ERC1: variants seen among roughly 807,000 people sequenced by gnomAD.
The protein encoded by ERC1 is RAB6 interacting protein 2.
Under a neutral mutation model 132.0 loss-of-function variants are expected in ERC1, and 56 were observed. The ratio of observed to expected loss-of-function variants is 0.42; its 90% CI spans 0.34 to 0.53. ERC1 has a LOEUF of 0.53. ERC1 is among the 20% of genes least tolerant of loss of function. ERC1 has a pLI of 0.03. For missense variants in ERC1, 1,202 were observed against 1,349.9 expected (o/e 0.89, Z 1.72); for synonymous variants, 478 against 476.1 (o/e 1.00, Z -0.05).
intron 17 of ERC1, among the ~76,000 whole-genome samples, chr12:1,411,799 A>C (rs912875664): frequency 1.3e-5 from 2 of 152,172 alleles, no homozygotes; most frequent in Admixed American, 6.5e-5. Context: ...ATATGTGGAC[A>C]TGATTATATT....
intron 12 of ERC1, among the ~76,000 whole-genome samples, chr12:1,234,728 C>T (rs1372784215): frequency 6.6e-6 from 1 of 152,172 alleles, no homozygotes; most frequent in Non-Finnish European, 1.5e-5. Context: ...TGGTATAGAT[C>T]TGGCACAGAA....
chr12:1,100,627 A>C (rs1391785041), intron 3 of ERC1, among the ~76,000 whole-genome samples: 1 of 152,130 alleles, frequency 6.6e-6, no homozygotes, highest in Non-Finnish European at 1.5e-5. Flanking sequence ...TGTAAGAAAA[A>C]AAGAGACTCC....
rs948584089 is a variant in ERC1 at position 1,491,047 on chromosome 12, A to G, written c.*817A>G. The G allele has an allele frequency of 3.9e-5, 9 of 232,852 alleles. No individual in the cohort carries two copies. In the Admixed American group the frequency reaches 3.9e-4, roughly 10 times the overall value. The allele number at this position is 232,852 out of a possible 1,614,324, so 14.4% of individuals were successfully genotyped here. On this transcript the variant is annotated 3_prime_UTR_variant, in exon 19 of 19. Transcript: ENST00000360905. The stretch of plus-strand genomic sequence containing the variant: ...GAACATGTGAGGTTGAAAGAGCACC[A>G]GCCAGGGCAACATAGCGTGACCCTG...
At chr12:1,189,552 A>G (rs56038085) in intron 11 of ERC1, among the ~76,000 whole-genome samples, 11,098 of 152,264 alleles carry the variant, frequency 0.073, 556 homozygotes, top group Admixed American at 0.15. Flanking sequence ...CAACAGTTCA[A>G]TGACTGTTAG....
chr12:1,282,569 T>C (rs888236196), intron 14 of ERC1, among the ~76,000 whole-genome samples: 20 of 152,204 alleles, frequency 1.3e-4, no homozygotes, highest in African/African-American at 3.4e-4. Flanking sequence ...CTAGTGTAAA[T>C]GATAGCCTAA....
intron 17 of ERC1, among the ~76,000 whole-genome samples, chr12:1,413,778 A>G (rs977528859): frequency 2.6e-5 from 4 of 152,302 alleles, no homozygotes; most frequent in African/African-American, 9.6e-5. Flanking sequence ...ATGTGTTTAA[A>G]TTGCACTGGG....
At chr12:998,985 G>C (rs959578865) in intron 1 of ERC1, among the ~76,000 whole-genome samples, 1 of 150,528 alleles carries the variant, frequency 6.6e-6, no homozygotes, top group African/African-American at 2.4e-5. Flanking sequence ...TTAGCCTCTT[G>C]AGTAGCTGGG....
At chr12:1,139,444 T>C (rs1013959797) in intron 7 of ERC1, among the ~76,000 whole-genome samples, 1 of 152,204 alleles carries the variant, frequency 6.6e-6, no homozygotes, top group Admixed American at 6.5e-5. Context: ...TGTTACTAGT[T>C]ATTGTTGTTA....
intron 2 of ERC1, among the ~76,000 whole-genome samples, chr12:1,065,618 C>A (rs1178845119): frequency 6.6e-6 from 1 of 150,502 alleles, no homozygotes; most frequent in African/African-American, 2.4e-5. Context: ...CGGATTTCTT[C>A]CTAGAGAATT....
At chr12:1,313,331 G>C (rs1301040099) in intron 15 of ERC1, among the ~76,000 whole-genome samples, 1 of 152,050 alleles carries the variant, frequency 6.6e-6, no homozygotes, top group Non-Finnish European at 1.5e-5. Context: ...TACACAACAG[G>C]CTGCAAAGGA....
intron 2 of ERC1, among the ~76,000 whole-genome samples, chr12:1,050,394 TTTTTCTTTATTAGAGCA>T (rs1707640432): frequency 6.6e-6 from 1 of 152,168 alleles, no homozygotes; most frequent in African/African-American, 2.4e-5. Flanking sequence ...GAAGGCTCAA[TTTTTCTTTATTAGAGCA>T]TTTTCTTTAT....
intron 15 of ERC1, among the ~76,000 whole-genome samples, chr12:1,313,854 G>C (rs1368469306): frequency 6.6e-6 from 1 of 152,136 alleles, no homozygotes; most frequent in Admixed American, 6.5e-5. Context: ...CATGGTGGTA[G>C]GTGCCTATAA....
At chr12:1,209,003 C>T (rs1045970888) in intron 12 of ERC1, among the ~76,000 whole-genome samples, 1 of 132,840 alleles carries the variant, frequency 7.5e-6, no homozygotes. Flanking sequence ...GAGTCTTGCC[C>T]TGTCTCCCAG....
chr12:1,028,335 T>TCAGGCGAGAGATAA lies in ERC1; in HGVS notation c.435_448dup (p.Thr150ArgfsTer14). 1 of 1,614,150 alleles carries TCAGGCGAGAGATAA rather than the reference T, an allele frequency of 6.2e-7. No individual in the cohort carries two copies. Among genetic ancestry groups the TCAGGCGAGAGATAA allele is most frequent in the Non-Finnish European group, 8.5e-7 (1 of 1,180,028 alleles). ...CATCCACTGTACCTCACTCCCTTCG[T>TCAGGCGAGAGATAA]CAGGCGAGAGATAACACAATCATGG... is the stretch of plus-strand genomic sequence containing the variant. On this transcript the variant is annotated frameshift_variant, in exon 2 of 19. Coordinates refer to ENST00000360905, the MANE Select transcript of ERC1 (RefSeq NM_178040.4). LOFTEE classifies it high-confidence loss of function.
intron 12 of ERC1, among the ~76,000 whole-genome samples, chr12:1,213,389 A>G (rs1958057782): frequency 6.6e-6 from 1 of 152,186 alleles, no homozygotes. Context: ...GTAGCTTTGA[A>G]AAGGAAGAGT....
At chr12:1,273,868 T>G (rs754694039) in intron 14 of ERC1, among the ~76,000 whole-genome samples, 21 of 152,224 alleles carry the variant, frequency 1.4e-4, no homozygotes, top group Non-Finnish European at 2.6e-4. Context: ...GTTGTGACAC[T>G]AGGATATTCA....
intron 11 of ERC1, among the ~76,000 whole-genome samples, chr12:1,186,509 C>T (rs577628883): frequency 1.8e-4 from 27 of 152,258 alleles, no homozygotes; most frequent in African/African-American, 5.8e-4. Context: ...TTCACTGTTA[C>T]GTCAGCCTCT....
In ERC1 at chr12:1,287,004, G is replaced by T. The variant is rs183011614; in HGVS notation, c.2620-2848G>T. 1.7e-3 allele frequency among the ~76,000 whole-genome samples: 266 copies of T among 152,236 alleles called. 1 individual carries two copies. The highest frequency in any genetic ancestry group is 4.6e-3 in the Admixed American group (71 of 15,292). Reference sequence around the variant, plus strand: ...GATGCTCTTGAAGAGAACAAGCTGAGACTTATTAGATATCAAGCCTTATAA... The same window carrying T: ...GATGCTCTTGAAGAGAACAAGCTGATACTTATTAGATATCAAGCCTTATAA... On this transcript the variant is annotated intron_variant, in intron 14 of 18. Transcript: ENST00000360905.
At chr12:1,177,818 A>G (rs974007935) in intron 8 of ERC1, among the ~76,000 whole-genome samples, 1 of 152,206 alleles carries the variant, frequency 6.6e-6, no homozygotes, top group Non-Finnish European at 1.5e-5. Context: ...GTTAGTAAAA[A>G]ACCCGTATCT....
Sources: gnomAD v4.1 joint callset for allele counts (sites outside exome capture counted in the v4.1 genomes callset) on GRCh38, gnomAD v4.1.1 for gene constraint, MANE v1.5 for transcripts, NCBI Gene and HGNC (gene_info 2026-07-23, HGNC 2026-07-21) for gene names.